Variants in CMC1 observed in about 807,000 individuals in gnomAD.
The protein encoded by CMC1 is C-X9-C motif containing 1.
CMC1 carries 14 observed loss-of-function variants against 14.1 expected under a neutral mutation model. The ratio of observed to expected loss-of-function variants is 0.99; its 90% CI spans 0.66 to 1.55. The LOEUF is 1.55. CMC1 is among the 40% of genes most tolerant of loss of function. The pLI, the probability that CMC1 is intolerant of heterozygous loss-of-function variation, is 0.00. For synonymous variants in CMC1, 50 were observed against 38.4 expected, an observed-to-expected ratio of 1.30 and a Z score of -1.12; for missense variants, 127 against 123.8, an observed-to-expected ratio of 1.03 and a Z score of -0.12.
chr3:28,316,512 G>A (rs1418287492), intron 3 of CMC1, 89 bp downstream of exon 3: 3 of 587,848 alleles, frequency 5.1e-6, no homozygotes, highest in African/African-American at 3.8e-5. Flanking sequence ...AATATATTCT[G>A]TACCTCTCCA....
rs562909219 is a variant in CMC1, at chr3:28,241,736, T to C, written c.-58T>C. ...CCGAGCCCAAGCCCCTCCCCTCCACTCCCCTTCCTGCGTGCCCCGGAGCCG... is the reference window on the plus strand; with the variant it reads ...CCGAGCCCAAGCCCCTCCCCTCCACCCCCCTTCCTGCGTGCCCCGGAGCCG... On this transcript the variant is annotated 5_prime_UTR_variant, in exon 1 of 4. Transcript: ENST00000466830. 7.3e-6 allele frequency: 9 copies of C among 1,240,772 alleles called. No homozygotes were observed. The South Asian group carries it at 2.5e-4, about 34-fold the overall frequency. The allele number at this position is 1,240,772 out of a possible 1,614,324, so 76.9% of individuals were successfully genotyped here.
At position 28,309,941 on chromosome 3, in the gene CMC1, CCACACACACACACA is replaced by C. The variant is rs57007112; in HGVS notation, c.110-6356_110-6343del. ...CCTTTTCTCCTCCACCTGACGTCCA[CCACACACACACACA>C]CACACACACACACACACACACACAC... On this transcript the variant is annotated intron_variant, in intron 2 of 3. Coordinates refer to ENST00000466830, the MANE Select transcript of CMC1 (RefSeq NM_182523.2). 5.5e-4 allele frequency among the ~76,000 whole-genome samples: 73 copies of C among 132,572 alleles called. 1 individual carries two copies. The East Asian group carries it at 8.6e-3, about 16-fold the overall frequency. 87.0% of individuals were successfully genotyped at this position (132,572 alleles called of 152,430 possible).
rs912649003 is a variant in CMC1, at chr3:28,324,587, C to T, written c.*4958C>T. ...TTCCAAGTTAGTGTGATCATTGAGG[C>T]ACTGTGACTAGGAGATAAATGACAG... On this transcript the variant is annotated 3_prime_UTR_variant, in exon 4 of 4. Transcript: ENST00000466830. The T allele has an allele frequency of 4.4e-5, 32 of 730,042 alleles. No individual in the cohort carries two copies. The highest frequency in any genetic ancestry group is 1.1e-4 in the Admixed American group (3 of 27,552). 45.2% of individuals were successfully genotyped at this position (730,042 alleles called of 1,614,324 possible). A position where few individuals can be genotyped will look rare whatever the true frequency, so the allele number is the denominator to read the frequency against.
At chr3:28,275,763 G>T (rs1467177585) in intron 2 of CMC1, among the ~76,000 whole-genome samples, 3 of 152,130 alleles carry the variant, frequency 2.0e-5, no homozygotes, top group Non-Finnish European at 2.9e-5. Flanking sequence ...CTTGCCCCCA[G>T]GGTCTCCATC....
chr3:28,310,762 CT>C (rs2125599834), intron 2 of CMC1, among the ~76,000 whole-genome samples: 1 of 152,290 alleles, frequency 6.6e-6, no homozygotes, highest in South Asian at 2.1e-4. Context: ...AATCCCCAAC[CT>C]TTTTGGCACC....
At chr3:28,268,160 C>G (rs1378576455) in intron 2 of CMC1, among the ~76,000 whole-genome samples, 1 of 152,178 alleles carries the variant, frequency 6.6e-6, no homozygotes, top group Non-Finnish European at 1.5e-5. Context: ...TTACACTGAA[C>G]TATCTCATGG....
chr3:28,245,820 G>A (rs961410829), intron 1 of CMC1, among the ~76,000 whole-genome samples: 1 of 152,132 alleles, frequency 6.6e-6, no homozygotes, highest in Non-Finnish European at 1.5e-5. Context: ...ACCTTTAGGG[G>A]TACAGGAACA....
chr3:28,284,042 A>AT (rs1438730776), intron 2 of CMC1, among the ~76,000 whole-genome samples: 1 of 152,220 alleles, frequency 6.6e-6, no homozygotes, highest in Non-Finnish European at 1.5e-5. Flanking sequence ...GGAAATTAGA[A>AT]TATCTGAAGA....
rs1703282155 is a variant in CMC1 at position 28,324,007 on chromosome 3, G to C, written c.*4378G>C. The C allele has an allele frequency of 1.3e-6, 2 of 1,554,420 alleles. No homozygotes were observed. The highest frequency in any genetic ancestry group is 8.8e-7 in the Non-Finnish European group (1 of 1,141,402). ...TTGGGAGGACCACTGAAAGAGATAA[G>C]TGTCCTCATGGTGAAATCGTGAATC... On this transcript the variant is annotated 3_prime_UTR_variant, in exon 4 of 4. Transcript: ENST00000466830.
intron 2 of CMC1, among the ~76,000 whole-genome samples, chr3:28,277,591 G>A (rs1700646928): frequency 1.3e-5 from 2 of 152,176 alleles, no homozygotes; most frequent in African/African-American, 2.4e-5. Context: ...GAGTGCTGAT[G>A]TTGAAAATGA....
intron 2 of CMC1, among the ~76,000 whole-genome samples, chr3:28,286,892 G>C (rs1701212429): frequency 6.6e-6 from 1 of 152,088 alleles, no homozygotes; most frequent in Non-Finnish European, 1.5e-5. Context: ...TTTTCTGTTA[G>C]AGCCTGACTG....
intron 2 of CMC1, among the ~76,000 whole-genome samples, chr3:28,268,983 ATATT>A (rs939860613): frequency 6.6e-6 from 1 of 152,204 alleles, no homozygotes; most frequent in Non-Finnish European, 1.5e-5. Flanking sequence ...GTATAATAAG[ATATT>A]TATAGTACAA....
At chr3:28,254,211 A>G (rs1212264744) in intron 1 of CMC1, among the ~76,000 whole-genome samples, 1 of 152,222 alleles carries the variant, frequency 6.6e-6, no homozygotes, top group Non-Finnish European at 1.5e-5. Flanking sequence ...CCTCTGTACA[A>G]ATGTATAACA....
rs568674565 is a variant in CMC1 at position 28,295,514 on chromosome 3, C to T, written c.110-20819C>T. Among the ~76,000 whole-genome samples the T allele has an allele frequency of 3.3e-5, 5 of 152,172 alleles. No individual in the cohort carries two copies. The South Asian group carries it at 6.2e-4, about 19-fold the overall frequency. ...CTTAGAGGGGCCTACCTGGATGACC[C>T]TACTGAAAATGTAACCTACTAGGTC... On this transcript the variant is annotated intron_variant, in intron 2 of 3. Transcript: ENST00000466830.
intron 2 of CMC1, among the ~76,000 whole-genome samples, chr3:28,271,763 G>A (rs574610082): frequency 6.6e-6 from 1 of 152,320 alleles, no homozygotes; most frequent in Admixed American, 6.5e-5. Flanking sequence ...TCTAGTGGAT[G>A]CTTGACAATG....
rs532998339 is a variant in CMC1, at chr3:28,320,891, C to T, written c.*1262C>T. 18 of 151,396 alleles carry T rather than the reference C, an allele frequency of 1.2e-4. No homozygotes were observed. The highest frequency in any genetic ancestry group is 4.0e-4 in the Admixed American group (6 of 15,118). 9.4% of individuals were successfully genotyped at this position (151,396 alleles called of 1,614,324 possible). A position where few individuals can be genotyped will look rare whatever the true frequency, so the allele number is the denominator to read the frequency against. On this transcript the variant is annotated 3_prime_UTR_variant, in exon 4 of 4. Transcript: ENST00000466830. ...CTAGTTTCAAGATAAGTAAATTTTA[C>T]GTATATTTTCACAGTCCTCATTAAA...
At chr3:28,296,176 T>G (rs1321175783) in intron 2 of CMC1, among the ~76,000 whole-genome samples, 1 of 152,056 alleles carries the variant, frequency 6.6e-6, no homozygotes, top group Non-Finnish European at 1.5e-5. Context: ...TTCAGTAAAC[T>G]AGAATGTGAC....
chr3:28,293,810 G>A (rs1701608704), intron 2 of CMC1, among the ~76,000 whole-genome samples: 1 of 152,008 alleles, frequency 6.6e-6, no homozygotes, highest in East Asian at 1.9e-4. Context: ...TCAGACTCCT[G>A]AGCTCAAGCG....
chr3:28,321,063 C>T lies in CMC1; in HGVS notation c.*1434C>T, dbSNP rs1327429257. The T allele has an allele frequency of 6.6e-6, 1 of 151,250 alleles. No homozygotes were observed. The highest frequency in any genetic ancestry group is 1.5e-5 in the Non-Finnish European group (1 of 67,554). 9.4% of individuals were successfully genotyped at this position (151,250 alleles called of 1,614,324 possible). ...GTTCCACACTTTACTCTTGAGTGAA[C>T]CACTCAAAAAACTATTTTACTTTTA... is the stretch of plus-strand genomic sequence containing the variant. On this transcript the variant is annotated 3_prime_UTR_variant, in exon 4 of 4. Coordinates refer to ENST00000466830, the MANE Select transcript of CMC1 (RefSeq NM_182523.2).
Sources: gnomAD v4.1 joint callset for allele counts (sites outside exome capture counted in the v4.1 genomes callset) on GRCh38, gnomAD v4.1.1 for gene constraint, MANE v1.5 for transcripts, NCBI Gene and HGNC (gene_info 2026-07-23, HGNC 2026-07-21) for gene names.